MASP1: variants seen among roughly 807,000 people sequenced by gnomAD.
MASP1 encodes the protein MBL associated serine protease 1.
Under a neutral mutation model 77.1 loss-of-function variants are expected in MASP1, and 59 were observed. The observed-to-expected ratio is 0.77, with a 90% confidence interval of 0.62 to 0.95. MASP1 has a LOEUF of 0.95. Ranked by LOEUF, MASP1 falls within the 40% of genes least tolerant of loss-of-function variation. The pLI is 0.00. For synonymous variants in MASP1, 362 were observed against 354.5 expected (o/e 1.02, Z -0.24); for missense variants, 885 against 912.9 (o/e 0.97, Z 0.39).
At chr3:187,279,750 T>C (rs76812551) in intron 2 of MASP1, among the ~76,000 whole-genome samples, 1,635 of 152,320 alleles carry the variant, frequency 0.011, 33 homozygotes, top group African/African-American at 0.038. Context: ...AGAACTGCAC[T>C]GCCAAATTAT....
At chr3:187,266,193 T>C (rs1716005414) in intron 2 of MASP1, among the ~76,000 whole-genome samples, 1 of 152,250 alleles carries the variant, frequency 6.6e-6, no homozygotes, top group Non-Finnish European at 1.5e-5. Flanking sequence ...CTATTGTTAT[T>C]TAGGACACCA....
chr3:187,219,828 C>T, exon 16 of MASP1: 1 of 556,992 alleles, frequency 1.8e-6, no homozygotes, highest in Non-Finnish European at 3.3e-6. Flanking sequence ...AAGTCACCTG[C>T]CCAGCACTGC....
intron 2 of MASP1, among the ~76,000 whole-genome samples, chr3:187,268,986 A>G (rs1409286055): frequency 1.3e-5 from 2 of 151,314 alleles, no homozygotes; most frequent in East Asian, 3.9e-4. Context: ...AATTGCTTGA[A>G]CCTGGGAGGC....
At chr3:187,281,862 C>T (rs146561730) in intron 2 of MASP1, among the ~76,000 whole-genome samples, 123 of 152,254 alleles carry the variant, frequency 8.1e-4, no homozygotes, top group African/African-American at 2.8e-3. Context: ...GGCATATTTG[C>T]GCTTTTATTC....
At chr3:187,258,445 T>C (rs137896580) in intron 4 of MASP1, among the ~76,000 whole-genome samples, 1 of 152,360 alleles carries the variant, frequency 6.6e-6, no homozygotes, top group East Asian at 1.9e-4. Context: ...TTGTTTAATA[T>C]GCATGTGTCA....
intron 5 of MASP1, among the ~76,000 whole-genome samples, chr3:187,256,072 C>G (rs987129827): frequency 1.3e-5 from 2 of 152,098 alleles, no homozygotes; most frequent in Admixed American, 6.6e-5. Flanking sequence ...GGCTGCCATT[C>G]CTTCTTAATT....
intron 11 of MASP1, among the ~76,000 whole-genome samples, chr3:187,229,058 TG>T (rs1712610055): frequency 6.6e-6 from 1 of 152,180 alleles, no homozygotes; most frequent in African/African-American, 2.4e-5. Context: ...GATGCAGAAG[TG>T]GTCTAGATAG....
exon 12 of MASP1, chr3:187,226,477 T>A: frequency 6.2e-7 from 1 of 1,612,912 alleles, no homozygotes; most frequent in Non-Finnish European, 8.5e-7. Flanking sequence ...CCGGATCGAG[T>A]GACTGGTGGA....
intron 10 of MASP1, among the ~76,000 whole-genome samples, chr3:187,238,806 G>T (rs190198751): frequency 6.6e-6 from 1 of 152,152 alleles, no homozygotes; most frequent in Admixed American, 6.5e-5. Flanking sequence ...AAATAAAAGG[G>T]CAAGTAATAT....
At chr3:187,288,534 G>A (rs1221620009) in intron 1 of MASP1, among the ~76,000 whole-genome samples, 1 of 152,206 alleles carries the variant, frequency 6.6e-6, no homozygotes, top group Non-Finnish European at 1.5e-5. Flanking sequence ...ACTTCCCACA[G>A]CACTGCTATC....
At chr3:187,272,483 G>C (rs1158011167) in intron 2 of MASP1, among the ~76,000 whole-genome samples, 1 of 152,162 alleles carries the variant, frequency 6.6e-6, no homozygotes, top group African/African-American at 2.4e-5. Context: ...TATGGAAACA[G>C]GTCTTTGCAG....
At chr3:187,278,211 G>T (rs781547227) in intron 2 of MASP1, among the ~76,000 whole-genome samples, 7 of 152,232 alleles carry the variant, frequency 4.6e-5, no homozygotes, top group East Asian at 1.9e-4. Flanking sequence ...CCAGTAAGAA[G>T]TGGAGGCAAG....
chr3:187,255,027 C>T (rs1290614607), intron 5 of MASP1, among the ~76,000 whole-genome samples: 1 of 152,084 alleles, frequency 6.6e-6, no homozygotes, highest in Non-Finnish European at 1.5e-5. Context: ...TCCTCCTGAC[C>T]TTCACCCCTA....
At chr3:187,236,646 A>C in intron 10 of MASP1, 79 bp from the exon 11 acceptor site, 4 of 1,611,622 alleles carry the variant, frequency 2.5e-6, no homozygotes, top group Non-Finnish European at 3.4e-6. Context: ...ACAAAGATAA[A>C]TTCACATTTC....
At chr3:187,261,020 G>A (rs917599392) in intron 3 of MASP1, 148 bp from the exon 4 acceptor site, 1 of 968,262 alleles carries the variant, frequency 1.0e-6, no homozygotes, top group South Asian at 1.4e-5. Flanking sequence ...CCCAGAGGTA[G>A]CCATTATCTT....
In MASP1 at chr3:187,291,615, C is replaced by T. The variant is rs1224014558; in HGVS notation, c.5+13G>A. 1.9e-6 allele frequency: 3 copies of T among 1,614,208 alleles called. No individual in the cohort carries two copies. Among genetic ancestry groups the T allele is most frequent in the Non-Finnish European group, 1.7e-6 (2 of 1,180,024 alleles). On this transcript the variant is annotated intron_variant, in intron 1 of 10. Coordinates refer to ENST00000296280, the MANE Select transcript of MASP1 (RefSeq NM_139125.4). Reference sequence around the variant, plus strand: ...CAAAAGGGAACCGTGCCCTCTCCTCCCCTGGCACGTACCTCATTTTCCTGC... The same window carrying T: ...CAAAAGGGAACCGTGCCCTCTCCTCTCCTGGCACGTACCTCATTTTCCTGC...
downstream of MASP1, among the ~76,000 whole-genome samples, chr3:187,232,721 A>C (rs1378993347): frequency 6.6e-6 from 1 of 152,174 alleles, no homozygotes; most frequent in East Asian, 1.9e-4. Flanking sequence ...TCAGTACCTC[A>C]GTACCTCAAT....
Position 187,285,888 on chromosome 3 carries a change from G to C in MASP1, c.174C>G (p.Ile58Met), listed in dbSNP as rs879009604. ...WNITVPDGFR[I>M]KLYFMHFNLE... is the part of the protein sequence containing the mutation. ...AGTTGAAGTGCATGAAGTAAAGCTT[G>C]ATCCGAAACCCATCTGGGACAGTGA... The change falls in exon 2 of 11, where the codon ATC (isoleucine) becomes ATG (methionine). Residue 58 changes from isoleucine to methionine, a missense_variant. Transcript: ENST00000296280. The C allele has an allele frequency of 1.2e-6, 2 of 1,614,188 alleles. No homozygotes were observed. The highest frequency in any genetic ancestry group is 2.2e-5 in the South Asian group (2 of 91,082).
At chr3:187,231,984 C>G (rs780414527), downstream of MASP1, among the ~76,000 whole-genome samples, 1 of 151,900 alleles carries the variant, frequency 6.6e-6, no homozygotes, top group Non-Finnish European at 1.5e-5. Context: ...GAGAGAGGAC[C>G]GAGAGAGAGA....
Sources: gnomAD v4.1 joint callset for allele counts (sites outside exome capture counted in the v4.1 genomes callset) on GRCh38, gnomAD v4.1.1 for gene constraint, MANE v1.5 for transcripts, NCBI Gene and HGNC (gene_info 2026-07-23, HGNC 2026-07-21) for gene names.